MTHFD1L: variants seen among roughly 807,000 people sequenced by gnomAD.
MTHFD1L encodes methylenetetrahydrofolate dehydrogenase (NADP+ dependent) 1 like.
Under a neutral mutation model 119.5 loss-of-function variants are expected in MTHFD1L, and 81 were observed. The ratio of observed to expected loss-of-function variants is 0.68; its 90% CI spans 0.57 to 0.82. The LOEUF (loss-of-function observed/expected upper bound fraction) is 0.82, where lower values mean the gene tolerates loss of function less well. MTHFD1L is among the 40% of genes least tolerant of loss of function. MTHFD1L has a pLI of 0.00. For missense variants in MTHFD1L, 1,125 were observed against 1,253.4 expected (o/e 0.90, Z 1.55); for synonymous variants, 430 against 475.2 (o/e 0.90, Z 1.24).
chr6:151,050,184 A>G (rs1788796896), intron 26 of MTHFD1L, among the ~76,000 whole-genome samples: 1 of 152,120 alleles, frequency 6.6e-6, no homozygotes, highest in African/African-American at 2.4e-5. Context: ...TTTGTTTGAG[A>G]CAGAGTCTCG....
At chr6:150,987,697 A>G (rs369944707) in intron 20 of MTHFD1L, among the ~76,000 whole-genome samples, 13 of 152,186 alleles carry the variant, frequency 8.5e-5, no homozygotes, top group African/African-American at 3.1e-4. Context: ...CTGAATGTTC[A>G]CTTTCATTCC....
rs186660922 is a variant in MTHFD1L at position 150,985,858 on chromosome 6, A to G, written c.2125+13800A>G. Among the ~76,000 whole-genome samples, 593 of 152,222 alleles carry G rather than the reference A, an allele frequency of 3.9e-3. 4 individuals carry two copies. The highest frequency in any genetic ancestry group is 0.012 in the African/African-American group (515 of 41,540). On this transcript the variant is annotated intron_variant, in intron 20 of 27. Transcript: ENST00000367321. ...TCTTGCCTCAGCCTTGCACTGTGGA[A>G]TGCAAAAGAGTAGAAGAAACTCCAA...
rs145653186 is a variant in MTHFD1L, at chr6:150,963,336, A to G, written c.1945-1633A>G. The stretch of plus-strand genomic sequence containing the variant: ...GTTACGTAGGAATATAGTTAGTAAT[A>G]GTGTATTCCTGAAAATTGCTAAGAG... On this transcript the variant is annotated intron_variant, in intron 18 of 27. Coordinates refer to ENST00000367321, the MANE Select transcript of MTHFD1L (RefSeq NM_015440.5). Among the ~76,000 whole-genome samples, 1,111 of 120,396 alleles carry G rather than the reference A, an allele frequency of 9.2e-3. 12 individuals carry two copies. The highest frequency in any genetic ancestry group is 0.034 in the African/African-American group (1,056 of 30,832). 79.0% of individuals were successfully genotyped at this position (120,396 alleles called of 152,430 possible).
intron 1 of MTHFD1L, among the ~76,000 whole-genome samples, chr6:150,874,888 T>C (rs1292736830): frequency 6.6e-6 from 1 of 151,496 alleles, no homozygotes; most frequent in Non-Finnish European, 1.5e-5. Context: ...TAGCTCAGAT[T>C]ATAGGCGCCT....
chr6:150,958,891 TTTGTAA>T (rs1477947953), intron 17 of MTHFD1L, among the ~76,000 whole-genome samples: 1 of 152,214 alleles, frequency 6.6e-6, no homozygotes, highest in African/African-American at 2.4e-5. Context: ...GATGTGAAAT[TTTGTAA>T]TTGTAACAAT....
chr6:150,911,135 C>A (rs1189512684), intron 8 of MTHFD1L, among the ~76,000 whole-genome samples: 2 of 152,008 alleles, frequency 1.3e-5, no homozygotes, highest in Non-Finnish European at 2.9e-5. Context: ...GTTCTCAATA[C>A]AATGTATTTA....
At chr6:150,883,037 A>AT (rs763165853) in intron 5 of MTHFD1L, 151 bp downstream of exon 5, 50,479 of 600,412 alleles carry the variant, frequency 0.084, 261 homozygotes, top group Non-Finnish European at 0.093. Context: ...AGTCTATAGG[A>AT]TTTTTTTTTT....
At chr6:151,069,408 C>T (rs182356175) in intron 26 of MTHFD1L, among the ~76,000 whole-genome samples, 64 of 152,246 alleles carry the variant, frequency 4.2e-4, no homozygotes, top group Non-Finnish European at 8.2e-4. Flanking sequence ...CCTCTGGATG[C>T]TGGCTGATCA....
At chr6:151,035,920 T>C (rs1786092458) in intron 25 of MTHFD1L, among the ~76,000 whole-genome samples, 1 of 152,222 alleles carries the variant, frequency 6.6e-6, no homozygotes, top group Non-Finnish European at 1.5e-5. Context: ...TCTGGCACCA[T>C]TTCTGAAAGA....
chr6:151,055,596 C>T (rs1005176540), intron 26 of MTHFD1L, among the ~76,000 whole-genome samples: 2 of 150,382 alleles, frequency 1.3e-5, no homozygotes, highest in Non-Finnish European at 2.9e-5. Context: ...GGCGCGATCT[C>T]GGCTCACCGC....
chr6:150,895,074 G>GTGTTTT (rs1246512199), intron 7 of MTHFD1L, among the ~76,000 whole-genome samples: 2 of 152,200 alleles, frequency 1.3e-5, no homozygotes, highest in Non-Finnish European at 2.9e-5. Context: ...ACTGGAGCTA[G>GTGTTTT]TGTTTTTGGG....
At chr6:151,099,425 G>A (rs1795166345) in intron 27 of MTHFD1L, 2 of 797,678 alleles carry the variant, frequency 2.5e-6, no homozygotes. Context: ...CCACTACAGT[G>A]AGGCTGGCCG....
chr6:151,025,171 T>C (rs1784454748), intron 24 of MTHFD1L, among the ~76,000 whole-genome samples: 1 of 152,126 alleles, frequency 6.6e-6, no homozygotes, highest in African/African-American at 2.4e-5. Flanking sequence ...CGTAGAAGGA[T>C]GAGATTCCCT....
At chr6:151,084,839 T>C (rs1012468736) in intron 26 of MTHFD1L, among the ~76,000 whole-genome samples, 1 of 150,912 alleles carries the variant, frequency 6.6e-6, no homozygotes, top group South Asian at 2.1e-4. Flanking sequence ...TGGTGGCGGG[T>C]GCCTGTAGTC....
intron 7 of MTHFD1L, among the ~76,000 whole-genome samples, chr6:150,899,484 C>T (rs747520596): frequency 2.6e-4 from 40 of 152,122 alleles, no homozygotes; most frequent in South Asian, 4.1e-4. Flanking sequence ...TGCCAAAGTA[C>T]GACAACATCT....
chr6:150,892,097 GC>G (rs1381485635), intron 7 of MTHFD1L, among the ~76,000 whole-genome samples: 1 of 152,198 alleles, frequency 6.6e-6, no homozygotes, highest in Non-Finnish European at 1.5e-5. Flanking sequence ...CATGGTGGCA[GC>G]CTATCCAAGA....
chr6:150,906,729 C>T (rs1365345342), intron 8 of MTHFD1L, among the ~76,000 whole-genome samples: 1 of 152,166 alleles, frequency 6.6e-6, no homozygotes, highest in Non-Finnish European at 1.5e-5. Context: ...CAGGACCATA[C>T]TTGAGGTTGA....
chr6:151,098,799 C>T (rs1003654293), intron 27 of MTHFD1L, among the ~76,000 whole-genome samples: 3 of 152,322 alleles, frequency 2.0e-5, no homozygotes, highest in African/African-American at 7.2e-5. Context: ...TTTACATTCT[C>T]ACCTTAGCTA....
rs539896603 is a variant in MTHFD1L at position 151,065,548 on chromosome 6, C to T, written c.2848-26919C>T. Among the ~76,000 whole-genome samples the T allele has an allele frequency of 9.2e-5, 14 of 152,350 alleles. No homozygotes were observed. The South Asian group carries it at 2.1e-3, about 23-fold the overall frequency. ...ATCCAGCCTTCTGGCATTTGTGCTC[C>T]GTTCCTCAGCCCTGCCCCACTGGGA... On this transcript the variant is annotated intron_variant, in intron 26 of 27. Transcript: ENST00000367321.
Sources: allele counts gnomAD v4.1 joint callset (sites outside exome capture counted in the v4.1 genomes callset), GRCh38; gene constraint gnomAD v4.1.1; transcripts MANE v1.5; gene names NCBI Gene and HGNC (gene_info 2026-07-23, HGNC 2026-07-21).